PIGZ: variants seen among roughly 807,000 people sequenced by gnomAD.
PIGZ encodes phosphatidylinositol glycan anchor biosynthesis class Z (Gwada blood group).
PIGZ carries 16 observed loss-of-function variants against 16.4 expected under a neutral mutation model. The observed-to-expected ratio is 0.97, with a 90% CI of 0.66 to 1.48. PIGZ has a LOEUF of 1.48. PIGZ is among the 40% of genes most tolerant of loss of function. The probability of loss-of-function intolerance (pLI) is 0.00; values close to 1 mark genes in which losing one functional copy is unlikely to be tolerated. For synonymous variants in PIGZ, 409 were observed against 338.4 expected, an observed-to-expected ratio of 1.21 and a Z score of -2.29; for missense variants, 770 against 739.2, an observed-to-expected ratio of 1.04 and a Z score of -0.48.
chr3:196,963,581 T>C (rs923032825), intron 1 of PIGZ, among the ~76,000 whole-genome samples: 11 of 152,364 alleles, frequency 7.2e-5, no homozygotes, highest in African/African-American at 2.4e-4. Context: ...TTCTATCAAG[T>C]GCTGTTGAAC....
rs750117558 is a variant in PIGZ, at chr3:196,947,813, G to A, written c.1084C>T (p.Leu362=). Residue 362 remains leucine (L), a synonymous_variant, in exon 3 of 3, where the codon CTG becomes TTG. Transcript: ENST00000412723. ...GLLRALGARS[L]LSSPRSYLLL... The stretch of plus-strand genomic sequence containing the variant: ...AGATAGGACCTGGGGCTGGACAGCA[G>A]GCTCCGGGCACCCAGTGCCCTCAGG... 1 of 1,608,764 alleles carries A rather than the reference G, an allele frequency of 6.2e-7. No individual in the cohort carries two copies. The highest frequency in any genetic ancestry group is 1.1e-5 in the South Asian group (1 of 90,768).
intron 1 of PIGZ, among the ~76,000 whole-genome samples, chr3:196,962,395 G>A (rs1320269490): frequency 6.6e-6 from 1 of 152,184 alleles, no homozygotes; most frequent in Non-Finnish European, 1.5e-5. Flanking sequence ...TCCCCACACT[G>A]AGACAGCCTG....
Position 196,947,125 on chromosome 3 carries a change from G to A in PIGZ, c.*32C>T, listed in dbSNP as rs1298978990. 6.6e-7 allele frequency: 1 copy of A among 1,512,240 alleles called. No individual in the cohort carries two copies. The highest frequency in any genetic ancestry group is 1.4e-5 in the South Asian group (1 of 73,930). 93.7% of individuals were successfully genotyped at this position (1,512,240 alleles called of 1,614,324 possible). A position where few individuals can be genotyped will look rare whatever the true frequency, so the allele number is the denominator to read the frequency against. On this transcript the variant is annotated 3_prime_UTR_variant, in exon 3 of 3. Coordinates refer to ENST00000412723, the MANE Select transcript of PIGZ (RefSeq NM_025163.4). ...AGGTGGGGCGGCATCTTCTATGGCT[G>A]AGTCTTGGGCAGTGGGTGCTCTGTC...
At chr3:196,952,127 TGAC>T in intron 1 of PIGZ, 96 bp from the exon 2 acceptor site, 1 of 1,146,908 alleles carries the variant, frequency 8.7e-7, no homozygotes, top group Non-Finnish European at 1.3e-6. Context: ...TTAATAAAAA[TGAC>T]AATAATAATA....
intron 1 of PIGZ, among the ~76,000 whole-genome samples, chr3:196,956,463 A>G (rs1717493229): frequency 6.6e-6 from 1 of 152,228 alleles, no homozygotes; most frequent in South Asian, 2.1e-4. Context: ...CCTATTCACT[A>G]CCACAAGAAC....
At chr3:196,966,902 C>T (rs914175595) in intron 1 of PIGZ, among the ~76,000 whole-genome samples, 70 of 152,154 alleles carry the variant, frequency 4.6e-4, no homozygotes, top group African/African-American at 1.6e-3. Flanking sequence ...GGTCGGTCGT[C>T]GGGAGGGCTC....
chr3:196,948,638 TG>T lies in PIGZ; in HGVS notation c.258del (p.Ser87AlafsTer12), dbSNP rs1717057469. The T allele has an allele frequency of 6.7e-7, 1 of 1,489,270 alleles. No individual in the cohort carries two copies. The highest frequency in any genetic ancestry group is 8.9e-7 in the Non-Finnish European group (1 of 1,123,140). 92.3% of individuals were successfully genotyped at this position (1,489,270 alleles called of 1,614,324 possible). On this transcript the variant is annotated frameshift_variant, in exon 3 of 3. Transcript: ENST00000412723. LOFTEE classifies it low-confidence loss of function (END_TRUNC). ...AAGAGCACCGAGCGGCAGGAGCTGCTGGGGTAAAACTCCCAGGGCCGCGCGG... is the reference window on the plus strand; with the variant it reads ...AAGAGCACCGAGCGGCAGGAGCTGCTGGGTAAAACTCCCAGGGCCGCGCGG... ...VQAARPWEFY[P>X]SSSCRSVLFP... is the part of the protein sequence containing the mutation.
chr3:196,947,016 G>C lies in PIGZ; in HGVS notation c.*141C>G. ...CACCCAGAAGGCAGAACAGCTAACA[G>C]CCATGCCCAGGAGAGGCAGCAGTGG... On this transcript the variant is annotated 3_prime_UTR_variant, in exon 3 of 3. Transcript: ENST00000412723. 1.5e-6 allele frequency: 1 copy of C among 689,476 alleles called. No individual in the cohort carries two copies. The highest frequency in any genetic ancestry group is 2.3e-6 in the Non-Finnish European group (1 of 425,680). 42.7% of individuals were successfully genotyped at this position (689,476 alleles called of 1,614,324 possible). A position where few individuals can be genotyped will look rare whatever the true frequency, so the allele number is the denominator to read the frequency against.
chr3:196,965,572 G>A lies in PIGZ; in HGVS notation c.-1+3115C>T, dbSNP rs773229949. On this transcript the variant is annotated intron_variant, in intron 1 of 2. Coordinates refer to ENST00000412723, the MANE Select transcript of PIGZ (RefSeq NM_025163.4). The surrounding 1 kb of genome is among the most constrained non-coding windows in gnomAD (Gnocchi z 4.2). ...TGTCCCTGCACTACGTAATGCCAAC[G>A]TTGCTTGCTAATTATTCCTTGAACC... Among the ~76,000 whole-genome samples, 1 of 152,092 alleles carries A rather than the reference G, an allele frequency of 6.6e-6. No individual in the cohort carries two copies. Among genetic ancestry groups the A allele is most frequent in the Non-Finnish European group, 1.5e-5 (1 of 68,034 alleles).
intron 1 of PIGZ, among the ~76,000 whole-genome samples, chr3:196,956,089 G>A (rs1717473282): frequency 6.6e-6 from 1 of 151,534 alleles, no homozygotes; most frequent in South Asian, 2.1e-4. Context: ...AGTATACTAT[G>A]TTATGTGTCT....
At chr3:196,964,343 C>T (rs886182994) in intron 1 of PIGZ, among the ~76,000 whole-genome samples, 2 of 152,100 alleles carry the variant, frequency 1.3e-5, no homozygotes. Context: ...GCCACCGTGC[C>T]CGGCCTAGCA....
At chr3:196,964,981 C>T (rs1717869990) in intron 1 of PIGZ, among the ~76,000 whole-genome samples, 1 of 152,194 alleles carries the variant, frequency 6.6e-6, no homozygotes, top group African/African-American at 2.4e-5. Context: ...CACTGCCCTG[C>T]TCCACTGCCC....
At position 196,951,811 on chromosome 3, in the gene PIGZ, G is replaced by T. The variant is rs777125386; in HGVS notation, c.211+10C>A. The T allele has an allele frequency of 1.9e-6, 3 of 1,613,714 alleles. No homozygotes were observed. Among genetic ancestry groups the T allele is most frequent in the East Asian group, 4.5e-5 (2 of 44,864 alleles). ...TGCAGCTTGTCTCAGCCACACATGCGGAGTTTTACCTGCCATCACCTCAGG... is the reference window on the plus strand; with the variant it reads ...TGCAGCTTGTCTCAGCCACACATGCTGAGTTTTACCTGCCATCACCTCAGG... On this transcript the variant is annotated intron_variant, in intron 2 of 2. Coordinates refer to ENST00000412723, the MANE Select transcript of PIGZ (RefSeq NM_025163.4).
chr3:196,954,162 G>A (rs1717393752), intron 1 of PIGZ, among the ~76,000 whole-genome samples: 1 of 152,158 alleles, frequency 6.6e-6, no homozygotes, highest in South Asian at 2.1e-4. Flanking sequence ...GTGTGCACCT[G>A]TAATCCCAGC....
chr3:196,958,873 G>A (rs137889610), intron 1 of PIGZ, among the ~76,000 whole-genome samples: 82 of 152,212 alleles, frequency 5.4e-4, no homozygotes, highest in African/African-American at 1.8e-3. Flanking sequence ...CTTGGTCAGC[G>A]GATCCTTCTG....
Position 196,948,334 on chromosome 3 carries a change from A to G in PIGZ, c.563T>C (p.Leu188Pro). ...NTIEGLLFTW[L>P]LVLVSSHVTW... ...TACATGGGAGGATACCAGCACCAGCAGCCACGTGAAGAGGAGTCCCTCAAT... is the reference window on the plus strand; with the variant it reads ...TACATGGGAGGATACCAGCACCAGCGGCCACGTGAAGAGGAGTCCCTCAAT... The change falls in exon 3 of 3, where the codon CTG becomes CCG. Residue 188 changes from leucine to proline, a missense_variant. By Grantham distance (98) the Leu-to-Pro change is moderately conservative. Coordinates refer to ENST00000412723, the MANE Select transcript of PIGZ (RefSeq NM_025163.4). 6.2e-7 allele frequency: 1 copy of G among 1,614,186 alleles called. No individual in the cohort carries two copies. The highest frequency in any genetic ancestry group is 8.5e-7 in the Non-Finnish European group (1 of 1,180,030).
intron 1 of PIGZ, among the ~76,000 whole-genome samples, chr3:196,954,623 C>T (rs143708793): frequency 2.8e-3 from 431 of 152,246 alleles, no homozygotes; most frequent in Middle Eastern, 0.014. Context: ...GAGCACAGCT[C>T]GTTAATTTGG....
intron 1 of PIGZ, among the ~76,000 whole-genome samples, chr3:196,964,644 C>T (rs1049829074): frequency 1.3e-5 from 2 of 152,222 alleles, no homozygotes; most frequent in Admixed American, 6.5e-5. Flanking sequence ...CGTGTGCCAC[C>T]GTGCCCAGTC....
Position 196,957,592 on chromosome 3 carries a change from G to T in PIGZ, c.1-5561C>A, listed in dbSNP as rs544153585. On this transcript the variant is annotated intron_variant, in intron 1 of 2. Transcript: ENST00000412723. The stretch of plus-strand genomic sequence containing the variant: ...AGACGGGGTTTCATCATGTTGGCCA[G>T]GCTGGTCTCGAACTCCTGACCTCGT... Among the ~76,000 whole-genome samples, 5 of 152,254 alleles carry T rather than the reference G, an allele frequency of 3.3e-5. No individual in the cohort carries two copies. In the South Asian group the frequency reaches 1.0e-3, roughly 32 times the overall value.
Sources: allele counts gnomAD v4.1 joint callset (sites outside exome capture counted in the v4.1 genomes callset), GRCh38; gene constraint gnomAD v4.1.1; non-coding constraint Gnocchi (gnomAD v3.1); transcripts MANE v1.5; gene names NCBI Gene and HGNC (gene_info 2026-07-23, HGNC 2026-07-21).